The following TMEM132D variants were observed in gnomAD, a reference collection of about 807,000 sequenced individuals.
The protein encoded by TMEM132D is mature OL transmembrane protein.
Under a neutral mutation model 62.3 loss-of-function variants are expected in TMEM132D, and 21 were observed. That is an observed-to-expected ratio of 0.34 (90% CI 0.24 to 0.49). The LOEUF (loss-of-function observed/expected upper bound fraction) is 0.49. Ranked by LOEUF, TMEM132D falls within the 20% of genes least tolerant of loss-of-function variation. The pLI is 0.99. For synonymous variants in TMEM132D, 621 were observed against 575.6 expected (o/e 1.08, Z -1.13); for missense variants, 1,346 against 1,402.8 (o/e 0.96, Z 0.65).
intron 2 of TMEM132D, among the ~76,000 whole-genome samples, chr12:129,684,356 T>C (rs546249836): frequency 1.3e-4 from 20 of 152,206 alleles, no homozygotes; most frequent in African/African-American, 4.3e-4. Context: ...TGCTTGGCAC[T>C]TTTCCTTCCT....
chr12:129,462,411 G>GAGTTTTAGA (rs1193220592), intron 3 of TMEM132D, among the ~76,000 whole-genome samples: 13 of 152,186 alleles, frequency 8.5e-5, no homozygotes, highest in African/African-American at 3.1e-4. Flanking sequence ...ACTCAGCAAG[G>GAGTTTTAGA]AGTTTTAGAA....
intron 3 of TMEM132D, among the ~76,000 whole-genome samples, chr12:129,483,547 T>C (rs1279873990): frequency 6.6e-6 from 1 of 152,254 alleles, no homozygotes; most frequent in Non-Finnish European, 1.5e-5. Flanking sequence ...TAACCATACT[T>C]AATTGAAGTT....
intron 3 of TMEM132D, among the ~76,000 whole-genome samples, chr12:129,388,630 A>C (rs374456473): frequency 1.7e-4 from 20 of 116,146 alleles, no homozygotes; most frequent in African/African-American, 3.6e-4. Context: ...TGATGATAAT[A>C]TTAACACTAA....
At chr12:129,243,346 A>G (rs1879985109) in intron 4 of TMEM132D, among the ~76,000 whole-genome samples, 1 of 152,208 alleles carries the variant, frequency 6.6e-6, no homozygotes, top group South Asian at 2.1e-4. Context: ...CCTTGGATTT[A>G]TGAACAAGTC....
At chr12:129,845,631 T>C (rs150295992) in intron 1 of TMEM132D, among the ~76,000 whole-genome samples, 1 of 152,318 alleles carries the variant, frequency 6.6e-6, no homozygotes, top group Admixed American at 6.5e-5. Context: ...TTAACCCAAA[T>C]TAAAGTGATT....
intron 4 of TMEM132D, among the ~76,000 whole-genome samples, chr12:129,271,886 T>C (rs1436359418): frequency 6.6e-6 from 1 of 151,978 alleles, no homozygotes; most frequent in Non-Finnish European, 1.5e-5. Context: ...TGCATGTGTC[T>C]TTCTAGTAGA....
chr12:129,375,656 G>A (rs992858790), intron 3 of TMEM132D, among the ~76,000 whole-genome samples: 1 of 152,104 alleles, frequency 6.6e-6, no homozygotes, highest in South Asian at 2.1e-4. Context: ...CCTCAACCTG[G>A]ACGGTCCAGT....
intron 4 of TMEM132D, among the ~76,000 whole-genome samples, chr12:129,302,089 A>G (rs1470305228): frequency 6.6e-6 from 1 of 152,170 alleles, no homozygotes; most frequent in Non-Finnish European, 1.5e-5. Flanking sequence ...AGGTCTATCC[A>G]CATCCACCAG....
intron 1 of TMEM132D, among the ~76,000 whole-genome samples, chr12:129,895,605 G>A (rs147162000): frequency 3.3e-5 from 5 of 152,254 alleles, no homozygotes; most frequent in South Asian, 4.1e-4. Context: ...AGCCATGCTC[G>A]GGCATGCTGC....
chr12:129,098,641 G>C (rs1480631973), intron 5 of TMEM132D, among the ~76,000 whole-genome samples: 1 of 152,166 alleles, frequency 6.6e-6, no homozygotes, highest in Non-Finnish European at 1.5e-5. Context: ...GTGAACGTAT[G>C]TGGTAGACTG....
chr12:129,268,205 G>C (rs1397040889), intron 4 of TMEM132D, among the ~76,000 whole-genome samples: 1 of 152,202 alleles, frequency 6.6e-6, no homozygotes, highest in Non-Finnish European at 1.5e-5. Flanking sequence ...AAACTGAAGA[G>C]CTTCTGCACA....
intron 4 of TMEM132D, among the ~76,000 whole-genome samples, chr12:129,244,403 A>C (rs79249627): frequency 3.6e-4 from 53 of 145,688 alleles, no homozygotes; most frequent in Admixed American, 6.8e-4. Flanking sequence ...AAAAAAAAAA[A>C]AAAAAACAAA....
intron 5 of TMEM132D, among the ~76,000 whole-genome samples, chr12:129,132,201 G>C (rs1876395186): frequency 6.6e-6 from 1 of 152,130 alleles, no homozygotes; most frequent in Non-Finnish European, 1.5e-5. Flanking sequence ...TTCAAAAGGA[G>C]ACTCTGTAAT....
chr12:129,696,452 G>GC (rs905332994), intron 2 of TMEM132D, among the ~76,000 whole-genome samples: 1 of 152,184 alleles, frequency 6.6e-6, no homozygotes, highest in Non-Finnish European at 1.5e-5. Context: ...TTTAAGAACA[G>GC]CCCCTTCTCT....
At chr12:129,343,116 C>T (rs1178400731) in intron 3 of TMEM132D, among the ~76,000 whole-genome samples, 3 of 152,176 alleles carry the variant, frequency 2.0e-5, no homozygotes, top group Non-Finnish European at 4.4e-5. Context: ...GCTATAAAGA[C>T]ACATGCACAT....
chr12:129,373,123 G>C (rs1394725876), intron 3 of TMEM132D, among the ~76,000 whole-genome samples: 4 of 152,180 alleles, frequency 2.6e-5, no homozygotes, highest in African/African-American at 9.7e-5. Flanking sequence ...TCCTGTGCAG[G>C]TGTGTGTACT....
In TMEM132D at chr12:129,488,352, C is replaced by G. The variant is rs887317186; in HGVS notation, c.1115+42707G>C. On this transcript the variant is annotated intron_variant, in intron 3 of 8. Coordinates refer to ENST00000422113, the MANE Select transcript of TMEM132D (RefSeq NM_133448.3). The stretch of plus-strand genomic sequence containing the variant: ...GGATGCTTGCATTCCAATCACTAAA[C>G]TATATGATGTTAACATGTACTTTCA... 9.2e-5 allele frequency among the ~76,000 whole-genome samples: 14 copies of G among 152,290 alleles called. No homozygotes were observed. In the Middle Eastern group the frequency reaches 0.01, roughly 111 times the overall value.
chr12:129,210,074 G>A (rs1042254525), intron 4 of TMEM132D: 7 of 166,190 alleles, frequency 4.2e-5, no homozygotes, highest in African/African-American at 1.7e-4. Flanking sequence ...CACTTGCCCA[G>A]GGTCACCCAG....
At chr12:129,821,899 C>T (rs566277607) in intron 1 of TMEM132D, among the ~76,000 whole-genome samples, 62 of 152,304 alleles carry the variant, frequency 4.1e-4, no homozygotes, top group Admixed American at 2.6e-3. Context: ...AGGAGTGCTG[C>T]TCTTAAGTGG....
Sources: allele counts gnomAD v4.1 joint callset (sites outside exome capture counted in the v4.1 genomes callset), GRCh38; gene constraint gnomAD v4.1.1; transcripts MANE v1.5; gene names NCBI Gene and HGNC (gene_info 2026-07-23, HGNC 2026-07-21).